The following SUSD6 variants were observed in gnomAD, a reference collection of about 807,000 sequenced individuals.
SUSD6 encodes the protein sushi domain containing 6.
In SUSD6, 16 loss-of-function variants were observed where a neutral mutation model predicts 28.4. The ratio of observed to expected loss-of-function variants is 0.56; its 90% CI spans 0.38 to 0.86. SUSD6 has a LOEUF of 0.86. SUSD6 is among the 40% of genes least tolerant of loss of function. The pLI, the probability that SUSD6 is intolerant of heterozygous loss-of-function variation, is 0.00. For synonymous variants in SUSD6, 147 were observed against 159.6 expected, an observed-to-expected ratio of 0.92 and a Z score of 0.59; for missense variants, 341 against 384.2, an observed-to-expected ratio of 0.89 and a Z score of 0.94.
Position 69,703,546 on chromosome 14 carries a change from T to C in SUSD6, c.273T>C (p.Asn91=). ...KGDYKYLTCK[N]GEWKPAMEIS... Reference sequence around the variant, plus strand: ...ATTACAAATACCTGACGTGTAAGAATGGCGAGTGGAAACCAGCCATGGAGA... The same window carrying C: ...ATTACAAATACCTGACGTGTAAGAACGGCGAGTGGAAACCAGCCATGGAGA... Residue 91 remains asparagine, a synonymous_variant, in exon 3 of 6, where the codon AAT becomes AAC. Transcript: ENST00000342745. 1 of 1,614,206 alleles carries C rather than the reference T, an allele frequency of 6.2e-7. No homozygotes were observed. Among genetic ancestry groups the C allele is most frequent in the Non-Finnish European group, 8.5e-7 (1 of 1,180,028 alleles).
intron 4 of SUSD6, among the ~76,000 whole-genome samples, 158 bp from the exon 5 acceptor site, chr14:69,708,519 G>A (rs1048431727): frequency 3.3e-5 from 5 of 152,228 alleles, no homozygotes; most frequent in Non-Finnish European, 4.4e-5. Context: ...AAGGGCTCAG[G>A]TGAGAATCCA....
At chr14:69,668,751 G>A (rs1302669017) in intron 2 of SUSD6, among the ~76,000 whole-genome samples, 2 of 152,074 alleles carry the variant, frequency 1.3e-5, no homozygotes, top group Non-Finnish European at 2.9e-5. Flanking sequence ...GATCATGGGA[G>A]CAGATTCCTC....
chr14:69,675,135 G>T (rs1162304548), intron 2 of SUSD6, among the ~76,000 whole-genome samples: 1 of 151,956 alleles, frequency 6.6e-6, no homozygotes, highest in Non-Finnish European at 1.5e-5. Flanking sequence ...TTAATGACTG[G>T]CTTTGACACT....
intron 2 of SUSD6, among the ~76,000 whole-genome samples, chr14:69,671,517 T>C (rs1373952146): frequency 6.6e-6 from 1 of 152,196 alleles, no homozygotes; most frequent in Non-Finnish European, 1.5e-5. Flanking sequence ...TCAGCAAGTC[T>C]GATGTACCGC....
chr14:69,617,036 A>G (rs772840774), intron 1 of SUSD6: 3 of 152,188 alleles, frequency 2.0e-5, no homozygotes, highest in Non-Finnish European at 1.5e-5. Flanking sequence ...GAATCATATG[A>G]TATGTGGTCT....
intron 2 of SUSD6, among the ~76,000 whole-genome samples, chr14:69,674,400 C>G (rs1347221050): frequency 1.3e-5 from 2 of 152,200 alleles, no homozygotes; most frequent in African/African-American, 4.8e-5. Flanking sequence ...CTTTGCCCTC[C>G]TCGCTTCCAT....
intron 1 of SUSD6, among the ~76,000 whole-genome samples, chr14:69,623,230 CA>C (rs35829315): frequency 6.6e-6 from 1 of 152,122 alleles, no homozygotes; most frequent in East Asian, 1.9e-4. Flanking sequence ...ACTAATGGAA[CA>C]AAAATACGAA....
chr14:69,704,515 G>C, intron 3 of SUSD6, 89 bp from the exon 4 acceptor site: 1 of 1,346,916 alleles, frequency 7.4e-7, no homozygotes, highest in Non-Finnish European at 1.0e-6. Context: ...CACCATTCAG[G>C]AGGCATTTGA....
intron 4 of SUSD6, 88 bp from the exon 5 acceptor site, chr14:69,708,589 A>T: frequency 8.7e-7 from 1 of 1,150,236 alleles, no homozygotes; most frequent in Non-Finnish European, 1.2e-6. Context: ...GTGCTCAAAA[A>T]TGGTGGCGGC....
rs1886481840 is a variant in SUSD6 at position 69,712,672 on chromosome 14, C to G, written c.*1693C>G. 1 of 152,388 alleles carries G rather than the reference C, an allele frequency of 6.6e-6. No individual in the cohort carries two copies. Among genetic ancestry groups the G allele is most frequent in the Non-Finnish European group, 1.5e-5 (1 of 68,224 alleles). 9.4% of individuals were successfully genotyped at this position (152,388 alleles called of 1,614,324 possible). A position where few individuals can be genotyped will look rare whatever the true frequency, so the allele number is the denominator to read the frequency against. On this transcript the variant is annotated 3_prime_UTR_variant, in exon 6 of 6. Coordinates refer to ENST00000342745, the MANE Select transcript of SUSD6 (RefSeq NM_014734.4). ...GGAGTGGTCTTCTCCCAGCCTTTTA[C>G]CCTCTTGCCTCCTGCCTCCGCGCTT... is the stretch of plus-strand genomic sequence containing the variant.
At chr14:69,618,588 AAGAC>A (rs2139589469) in intron 1 of SUSD6, among the ~76,000 whole-genome samples, 1 of 152,388 alleles carries the variant, frequency 6.6e-6, no homozygotes, top group Non-Finnish European at 1.5e-5. Flanking sequence ...TTTGTCCAGC[AAGAC>A]AGACAAAAAC....
chr14:69,654,231 T>C (rs1319144040), intron 1 of SUSD6, among the ~76,000 whole-genome samples: 2 of 152,168 alleles, frequency 1.3e-5, no homozygotes, highest in African/African-American at 2.4e-5. Flanking sequence ...CCATACCGGC[T>C]CCTCCCCACA....
At chr14:69,667,080 C>T (rs1885753218) in intron 2 of SUSD6, among the ~76,000 whole-genome samples, 1 of 152,102 alleles carries the variant, frequency 6.6e-6, no homozygotes, top group South Asian at 2.1e-4. Flanking sequence ...TCTGATGATT[C>T]GGCCTTGTTG....
At position 69,704,655 on chromosome 14, in the gene SUSD6, C is replaced by CT; in HGVS notation, c.372dup (p.Thr125TyrfsTer28). The CT allele has an allele frequency of 6.2e-7, 1 of 1,613,718 alleles. No homozygotes were observed. Among genetic ancestry groups the CT allele is most frequent in the Non-Finnish European group, 8.5e-7 (1 of 1,179,926 alleles). On this transcript the variant is annotated frameshift_variant, in exon 4 of 6. Coordinates refer to ENST00000342745, the MANE Select transcript of SUSD6 (RefSeq NM_014734.4). LOFTEE classifies it high-confidence loss of function. ...GTCCCCACGCTGTCTATAGTGGCTT[C>CT]TACTGCCAGCTCCGTGGCGCTCATT...
intron 1 of SUSD6, among the ~76,000 whole-genome samples, chr14:69,645,773 A>G (rs1356514931): frequency 6.7e-6 from 1 of 148,922 alleles, no homozygotes; most frequent in East Asian, 2.0e-4. Context: ...TTTTTGAGAC[A>G]GCATCTCGCT....
At chr14:69,662,976 G>A (rs1376274679) in intron 2 of SUSD6, among the ~76,000 whole-genome samples, 2 of 152,182 alleles carry the variant, frequency 1.3e-5, no homozygotes, top group Non-Finnish European at 2.9e-5. Flanking sequence ...GTTACAAGGT[G>A]CAGTAGACTT....
rs1305612222 is a variant in SUSD6, at chr14:69,704,503, T to C, written c.320-101T>C. 2.5e-6 allele frequency: 3 copies of C among 1,192,692 alleles called. No homozygotes were observed. The East Asian group carries it at 7.1e-5, about 28-fold the overall frequency. The allele number at this position is 1,192,692 out of a possible 1,614,324, so 73.9% of individuals were successfully genotyped here. A position where few individuals can be genotyped will look rare whatever the true frequency, so the allele number is the denominator to read the frequency against. On this transcript the variant is annotated intron_variant, in intron 3 of 5. Transcript: ENST00000342745. ...GACCCTGACCGTAGGATGTCTGTAT[T>C]GCACCATTCAGGAGGCATTTGACAA...
rs571349261 is a variant in SUSD6 at position 69,679,121 on chromosome 14, A to G, written c.121+20408A>G. Among the ~76,000 whole-genome samples the G allele has an allele frequency of 9.1e-4, 139 of 152,202 alleles. 1 individual carries two copies. The highest frequency in any genetic ancestry group is 3.2e-3 in the African/African-American group (133 of 41,522). ...AATCTCCTTAAGGCTTTAATTTTGT[A>G]TTTCCTTGATTATCCTCTCCCAATT... On this transcript the variant is annotated intron_variant, in intron 2 of 5. Coordinates refer to ENST00000342745, the MANE Select transcript of SUSD6 (RefSeq NM_014734.4).
intron 2 of SUSD6, among the ~76,000 whole-genome samples, chr14:69,688,917 G>C (rs974206764): frequency 1.3e-5 from 2 of 152,158 alleles, no homozygotes; most frequent in African/African-American, 4.8e-5. Context: ...CTTTAGCCTT[G>C]CATTCAGGGC....
Sources: gnomAD v4.1 joint callset for allele counts (sites outside exome capture counted in the v4.1 genomes callset) on GRCh38, gnomAD v4.1.1 for gene constraint, MANE v1.5 for transcripts, NCBI Gene and HGNC (gene_info 2026-07-23, HGNC 2026-07-21) for gene names.